Variants in HPSE2 observed in about 807,000 individuals in gnomAD.
HPSE2 encodes inactive heparanase-2.
In HPSE2, 38 loss-of-function variants were observed where a neutral mutation model predicts 60.5. The observed-to-expected ratio is 0.63, with a 90% CI of 0.48 to 0.82. The LOEUF is 0.82. Ranked by LOEUF, HPSE2 falls within the 40% of genes least tolerant of loss-of-function variation. The pLI is 0.00. For synonymous variants in HPSE2, 295 were observed against 293.2 expected (o/e 1.01, Z -0.06); for missense variants, 713 against 740.4 (o/e 0.96, Z 0.43).
intron 6 of HPSE2, among the ~76,000 whole-genome samples, chr10:98,650,007 G>A (rs183570680): frequency 6.6e-6 from 1 of 152,344 alleles, no homozygotes; most frequent in East Asian, 1.9e-4. Flanking sequence ...GTGCTGAGCT[G>A]TTGCCAAGAA....
chr10:99,176,109 T>C (rs1202012748), intron 2 of HPSE2, among the ~76,000 whole-genome samples: 1 of 151,744 alleles, frequency 6.6e-6, no homozygotes, highest in Non-Finnish European at 1.5e-5. Context: ...AAAAACCCCA[T>C]CAGAAGGTCA....
Position 99,125,269 on chromosome 10 carries a change from AC to A in HPSE2, c.610+18968del, listed in dbSNP as rs1316387176. On this transcript the variant is annotated intron_variant, in intron 3 of 11. Transcript: ENST00000370552. ...TATTTTAAACCATACTTCAAAATGA[AC>A]TCTGCTACACTACCTGGAGAGTGAA... 2.0e-5 allele frequency among the ~76,000 whole-genome samples: 3 copies of A among 152,242 alleles called. No individual in the cohort carries two copies. In the East Asian group the frequency reaches 5.8e-4, roughly 29 times the overall value.
intron 4 of HPSE2, among the ~76,000 whole-genome samples, chr10:98,727,242 T>C (rs538180581): frequency 6.6e-6 from 1 of 152,196 alleles, no homozygotes; most frequent in Non-Finnish European, 1.5e-5. Context: ...AAAGCTATTA[T>C]ACATGAAAAA....
chr10:98,765,480 T>C (rs1565147542), intron 3 of HPSE2, among the ~76,000 whole-genome samples: 1 of 151,998 alleles, frequency 6.6e-6, no homozygotes, highest in African/African-American at 2.4e-5. Flanking sequence ...ATAGAACATA[T>C]CGAAATTTGT....
At chr10:98,759,882 T>C (rs1369967960) in intron 3 of HPSE2, among the ~76,000 whole-genome samples, 1 of 152,112 alleles carries the variant, frequency 6.6e-6, no homozygotes, top group African/African-American at 2.4e-5. Flanking sequence ...TGGCTTTTTG[T>C]AGTAGAGACA....
Position 98,638,163 on chromosome 10 carries a change from A to AG in HPSE2, c.1098+3683dup, listed in dbSNP as rs1355818907. Among the ~76,000 whole-genome samples, 419 of 140,708 alleles carry AG rather than the reference A, an allele frequency of 3.0e-3. 3 individuals carry two copies. Among genetic ancestry groups the AG allele is most frequent in the South Asian group, 9.5e-3 (42 of 4,412 alleles). The allele number at this position is 140,708 out of a possible 152,430, so 92.3% of individuals were successfully genotyped here. ...AAAAAAAAAAAAAAAAAAAAAAAAA[A>AG]GGCTGGGTGCAGTGGCTCACGCCTG... On this transcript the variant is annotated intron_variant, in intron 7 of 11. Coordinates refer to ENST00000370552, the MANE Select transcript of HPSE2 (RefSeq NM_021828.5).
intron 3 of HPSE2, among the ~76,000 whole-genome samples, chr10:98,993,184 G>T (rs1345281562): frequency 6.6e-6 from 1 of 152,186 alleles, no homozygotes; most frequent in East Asian, 1.9e-4. Context: ...GTAACTATTT[G>T]CCTGGAAATG....
chr10:99,070,940 CTGT>C (rs1842769071), intron 3 of HPSE2, among the ~76,000 whole-genome samples: 1 of 152,088 alleles, frequency 6.6e-6, no homozygotes, highest in South Asian at 2.1e-4. Flanking sequence ...GTTTCCACAT[CTGT>C]TGTTGTGAAT....
At chr10:99,030,284 C>T (rs544998519) in intron 3 of HPSE2, among the ~76,000 whole-genome samples, 59 of 152,248 alleles carry the variant, frequency 3.9e-4, no homozygotes, top group African/African-American at 6.7e-4. Flanking sequence ...TCTCTTGCCT[C>T]GGCACCTGGG....
intron 9 of HPSE2, among the ~76,000 whole-genome samples, chr10:98,547,318 G>T (rs930064804): frequency 2.0e-4 from 28 of 143,378 alleles, no homozygotes; most frequent in African/African-American, 7.0e-4. Flanking sequence ...TATACCCAAA[G>T]GACTATAAAT....
rs1176264321 is a variant in HPSE2, at chr10:98,550,354, T to C, written c.1321-60158A>G. Among the ~76,000 whole-genome samples, 3 of 147,572 alleles carry C rather than the reference T, an allele frequency of 2.0e-5. No homozygotes were observed. In the East Asian group the frequency reaches 5.8e-4, roughly 29 times the overall value. ...AGGTTTGAGTGCAGTGGCACAGTCATAGTTCACTGCCTCACTGCAACCTCA... is the reference window on the plus strand; with the variant it reads ...AGGTTTGAGTGCAGTGGCACAGTCACAGTTCACTGCCTCACTGCAACCTCA... On this transcript the variant is annotated intron_variant, in intron 9 of 11. Transcript: ENST00000370552.
chr10:99,212,861 C>G (rs1848995500), intron 2 of HPSE2, among the ~76,000 whole-genome samples: 1 of 152,114 alleles, frequency 6.6e-6, no homozygotes, highest in Non-Finnish European at 1.5e-5. Flanking sequence ...ACAAGGTATA[C>G]ATATTTCAAA....
the HPSE2 span, among the ~76,000 whole-genome samples, chr10:99,277,838 C>T: frequency 6.6e-6 from 1 of 152,118 alleles, no homozygotes; most frequent in Non-Finnish European, 1.5e-5. Flanking sequence ...TGGCTCACGC[C>T]TGTAATCCCA....
chr10:99,024,760 A>T (rs1342791008), intron 3 of HPSE2, among the ~76,000 whole-genome samples: 1 of 152,224 alleles, frequency 6.6e-6, no homozygotes, highest in African/African-American at 2.4e-5. Context: ...ATGGCAAGAC[A>T]TATTTAAAGT....
chr10:98,466,609 T>A (rs113482183), intron 11 of HPSE2, among the ~76,000 whole-genome samples: 11,220 of 131,912 alleles, frequency 0.085, 1,261 homozygotes, highest in African/African-American at 0.28. Flanking sequence ...AGACTCCGTC[T>A]CAAAAAAAAA....
intron 3 of HPSE2, among the ~76,000 whole-genome samples, chr10:98,744,816 A>C (rs1949588163): frequency 6.6e-6 from 1 of 152,224 alleles, no homozygotes; most frequent in Admixed American, 6.5e-5. Context: ...TGAGTCTTGG[A>C]AAATAGCTCA....
At chr10:99,158,915 T>G (rs1003836494) in intron 2 of HPSE2, among the ~76,000 whole-genome samples, 2 of 152,128 alleles carry the variant, frequency 1.3e-5, no homozygotes, top group Admixed American at 1.3e-4. Flanking sequence ...ATCATATTAA[T>G]AATTGCACTA....
At chr10:99,251,752 T>C in the HPSE2 span, among the ~76,000 whole-genome samples, 12 of 149,750 alleles carry the variant, frequency 8.0e-5, no homozygotes, top group Admixed American at 7.5e-4. Context: ...TGGCTAGGCA[T>C]GGTGGTTCAC....
chr10:98,899,471 A>T (rs1205895243), intron 3 of HPSE2, among the ~76,000 whole-genome samples: 1 of 152,216 alleles, frequency 6.6e-6, no homozygotes, highest in African/African-American at 2.4e-5. Flanking sequence ...CAATAATATG[A>T]AAACAAACAG....
Sources: allele counts gnomAD v4.1 joint callset (sites outside exome capture counted in the v4.1 genomes callset), GRCh38; gene constraint gnomAD v4.1.1; transcripts MANE v1.5; gene names NCBI Gene and HGNC (gene_info 2026-07-23, HGNC 2026-07-21).